Variants in CFAP54 observed in about 807,000 individuals in gnomAD.
The protein encoded by CFAP54 is cilia- and flagella-associated protein 54.
In CFAP54, 290 loss-of-function variants were observed where a neutral mutation model predicts 370.4. That is an observed-to-expected ratio of 0.78 (90% CI 0.71 to 0.86). CFAP54 has a LOEUF of 0.86. CFAP54 is among the 40% of genes least tolerant of loss of function. CFAP54 has a pLI of 0.00. For missense variants in CFAP54, 3,399 were observed against 3,528.7 expected (o/e 0.96, Z 0.93); for synonymous variants, 1,206 against 1,236.5 (o/e 0.98, Z 0.52).
rs1592695989 is a variant in CFAP54, at chr12:96,663,949, G to C, written c.5563+17G>C. ...TCTCTTCAGGTCAGAACCAATCTTA[G>C]CTTGAATGTTTGTTTTCTCTAAATC... On this transcript the variant is annotated intron_variant, in intron 39 of 67. Coordinates refer to ENST00000524981, the MANE Select transcript of CFAP54 (RefSeq NM_001306084.2). 6.4e-7 allele frequency: 1 copy of C among 1,567,708 alleles called. No individual in the cohort carries two copies. Among genetic ancestry groups the C allele is most frequent in the African/African-American group, 1.4e-5 (1 of 73,664 alleles).
At chr12:96,657,637 G>A (rs570671186) in intron 36 of CFAP54, among the ~76,000 whole-genome samples, 1 of 152,134 alleles carries the variant, frequency 6.6e-6, no homozygotes, top group Non-Finnish European at 1.5e-5. Flanking sequence ...GGTAGCTGCA[G>A]GTTTCTAGTG....
At chr12:96,582,000 T>C (rs960024028) in intron 22 of CFAP54, among the ~76,000 whole-genome samples, 1 of 152,132 alleles carries the variant, frequency 6.6e-6, no homozygotes, top group Non-Finnish European at 1.5e-5. Context: ...TTTCTTAGGG[T>C]AAATTTATAA....
chr12:96,589,656 A>G, intron 23 of CFAP54, 93 bp downstream of exon 23: 1 of 782,632 alleles, frequency 1.3e-6, no homozygotes, highest in Non-Finnish European at 2.0e-6. Context: ...TATCATGTTC[A>G]GATAGTCCAT....
chr12:96,618,414 A>AG (rs1425513834), intron 26 of CFAP54, among the ~76,000 whole-genome samples: 1 of 152,172 alleles, frequency 6.6e-6, no homozygotes, highest in African/African-American at 2.4e-5. Flanking sequence ...CACATGTGGG[A>AG]GGGGTTAGTC....
At chr12:96,850,592 C>A (rs1469295064) in intron 66 of CFAP54, among the ~76,000 whole-genome samples, 1 of 152,068 alleles carries the variant, frequency 6.6e-6, no homozygotes, top group East Asian at 1.9e-4. Context: ...AGCTGAGAGA[C>A]CTTGGGCAAG....
intron 33 of CFAP54, among the ~76,000 whole-genome samples, chr12:96,647,459 C>T (rs1275202577): frequency 9.0e-5 from 6 of 66,486 alleles, no homozygotes; most frequent in Admixed American, 6.8e-4. Flanking sequence ...GGCGACAGAG[C>T]GAGACTCTGT....
intron 48 of CFAP54, among the ~76,000 whole-genome samples, chr12:96,712,697 T>C (rs570333005): frequency 1.3e-5 from 2 of 152,270 alleles, no homozygotes; most frequent in African/African-American, 4.8e-5. Flanking sequence ...CTTCCCAGCC[T>C]CTAGTAACCA....
intron 13 of CFAP54, 107 bp downstream of exon 13, chr12:96,538,625 C>T: frequency 9.1e-7 from 1 of 1,097,400 alleles, no homozygotes; most frequent in Non-Finnish European, 1.3e-6. Context: ...TGGTTAATGA[C>T]TTTCATTTGC....
chr12:96,873,823 A>G (rs190138453), intron 67 of CFAP54, among the ~76,000 whole-genome samples: 5 of 152,278 alleles, frequency 3.3e-5, no homozygotes, highest in African/African-American at 1.2e-4. Context: ...TCCCTACCAT[A>G]AAAATATGAA....
In CFAP54 at chr12:96,626,340, C is replaced by T. The variant is rs938653590; in HGVS notation, c.3977-473C>T. 1.5e-4 allele frequency among the ~76,000 whole-genome samples: 22 copies of T among 150,722 alleles called. No homozygotes were observed. The East Asian group carries it at 3.9e-3, about 27-fold the overall frequency. The stretch of plus-strand genomic sequence containing the variant: ...GGCAGAGGTTGTAGTGAGCTGAGAT[C>T]GTGCCACTACACTCCAGCCTGGGCG... On this transcript the variant is annotated intron_variant, in intron 29 of 67. Transcript: ENST00000524981.
chr12:96,512,301 T>TTTTATATATA (rs1473973322), intron 4 of CFAP54, among the ~76,000 whole-genome samples: 16 of 31,122 alleles, frequency 5.1e-4, no homozygotes, highest in African/African-American at 1.3e-3. Flanking sequence ...GGAACCAATT[T>TTTTATATATA]TATATATATA....
Position 96,684,728 on chromosome 12 carries a change from A to G in CFAP54, c.5797A>G (p.Lys1933Glu). 3.7e-6 allele frequency: 6 copies of G among 1,609,312 alleles called. No individual in the cohort carries two copies. Among genetic ancestry groups the G allele is most frequent in the Non-Finnish European group, 5.1e-6 (6 of 1,178,442 alleles). ...SLGSLLIFAE[K>E]KRAAFKCWCQ... The stretch of plus-strand genomic sequence containing the variant: ...TGGAAGTCTTCTCATCTTCGCAGAA[A>G]AGAAAAGGTAGATTTTTAGAAGTCT... The change falls in exon 41 of 68, where the codon AAG (lysine) becomes GAG (glutamate). Residue 1933 changes from lysine (K) to glutamate (E), a missense_variant. Lys to Glu is a moderately conservative substitution (Grantham distance 56). Coordinates refer to ENST00000524981, the MANE Select transcript of CFAP54 (RefSeq NM_001306084.2).
intron 45 of CFAP54, among the ~76,000 whole-genome samples, chr12:96,696,307 T>C (rs1484096456): frequency 1.3e-5 from 2 of 152,090 alleles, no homozygotes; most frequent in Admixed American, 6.6e-5. Flanking sequence ...GAGATGTAAT[T>C]TGGAGGTGGA....
chr12:96,519,498 A>G (rs190014387), intron 6 of CFAP54, among the ~76,000 whole-genome samples: 22 of 152,320 alleles, frequency 1.4e-4, no homozygotes, highest in East Asian at 9.6e-4. Context: ...AGAAAAGACA[A>G]AAGTTCAGCT....
chr12:96,827,707 T>TATATGATTATATATAATTATATTTA (rs1959133348), intron 65 of CFAP54, among the ~76,000 whole-genome samples: 1 of 90,248 alleles, frequency 1.1e-5, no homozygotes, highest in Non-Finnish European at 2.0e-5. Flanking sequence ...TATTATATTA[T>TATATGATTATATATAATTATATTTA]ATATAATTAT....
intron 62 of CFAP54, 37 bp downstream of exon 62, chr12:96,786,935 C>A (rs1958635905): frequency 1.4e-5 from 19 of 1,370,336 alleles, no homozygotes; most frequent in Non-Finnish European, 1.8e-5. Context: ...TTACATAAAA[C>A]TTCTTGGAAT....
chr12:96,658,620 T>C (rs1447215033), intron 38 of CFAP54, among the ~76,000 whole-genome samples: 2 of 152,066 alleles, frequency 1.3e-5, no homozygotes, highest in Non-Finnish European at 2.9e-5. Flanking sequence ...AGAGTACTTT[T>C]TTTTTTTGTT....
In CFAP54 at chr12:96,658,236, C is replaced by T. The variant is rs1592692984; in HGVS notation, c.5350C>T (p.Pro1784Ser). The change falls in exon 38 of 68, where the codon CCA (proline) becomes TCA (serine). Residue 1784 changes from proline to serine, a missense_variant. By Grantham distance (74) the Pro-to-Ser change is moderately conservative. Transcript: ENST00000524981. ...SHERYTEQVT[P>S]LLVYAQRQLL... ...TGAGAGGTATACAGAACAAGTGACA[C>T]CACTTCTGGTGTATGCACAGCGCCA... is the stretch of plus-strand genomic sequence containing the variant. 4 of 1,614,068 alleles carry T rather than the reference C, an allele frequency of 2.5e-6. No individual in the cohort carries two copies. Among genetic ancestry groups the T allele is most frequent in the Non-Finnish European group, 3.4e-6 (4 of 1,179,966 alleles).
chr12:96,644,126 T>G (rs1231857126), intron 32 of CFAP54, 52 bp from the exon 33 acceptor site: 3 of 1,192,692 alleles, frequency 2.5e-6, no homozygotes, highest in Non-Finnish European at 1.2e-6. Flanking sequence ...TCTTCTTTAT[T>G]AAATATCTGA....
Sources: gnomAD v4.1 joint callset for allele counts (sites outside exome capture counted in the v4.1 genomes callset) on GRCh38, gnomAD v4.1.1 for gene constraint, MANE v1.5 for transcripts, NCBI Gene and HGNC (gene_info 2026-07-23, HGNC 2026-07-21) for gene names.